HDAC7: variants seen among roughly 807,000 people sequenced by gnomAD.
The protein encoded by HDAC7 is histone deacetylase 7A.
In HDAC7, 26 loss-of-function variants were observed where a neutral mutation model predicts 115.5. The observed-to-expected ratio is 0.23, with a 90% CI of 0.16 to 0.31. The LOEUF (loss-of-function observed/expected upper bound fraction) is 0.31. HDAC7 is among the 10% of genes least tolerant of loss of function. HDAC7 has a pLI of 1.00. For synonymous variants in HDAC7, 564 were observed against 550.9 expected, an observed-to-expected ratio of 1.02 and a Z score of -0.33; for missense variants, 1,068 against 1,329.0, an observed-to-expected ratio of 0.80 and a Z score of 3.05.
In HDAC7 at chr12:47,785,824, C is replaced by G. The variant is rs749821986; in HGVS notation, c.2634G>C (p.Leu878Phe). 1 of 1,612,284 alleles carries G rather than the reference C, an allele frequency of 6.2e-7. No homozygotes were observed. Among genetic ancestry groups the G allele is most frequent in the Non-Finnish European group, 8.5e-7 (1 of 1,179,362 alleles). The change falls in exon 23 of 26, where the codon TTG (leucine) becomes TTC (phenylalanine). Residue 878 changes from leucine (L) to phenylalanine (F), a missense_variant. By Grantham distance (22) the Leu-to-Phe change is conservative. Coordinates refer to ENST00000080059, the MANE Select transcript of HDAC7 (RefSeq NM_015401.5). Reference protein sequence around the residue: ...NLAGGAVVLALEGGHDLTAIC... With the variant: ...NLAGGAVVLAFEGGHDLTAIC... ...TGGCTGTGAGGTCATGGCCACCCTCCAAGGCCAGCACCACTGCGCCTCCTG... is the reference window on the plus strand; with the variant it reads ...TGGCTGTGAGGTCATGGCCACCCTCGAAGGCCAGCACCACTGCGCCTCCTG...
rs1943823952 is a variant in HDAC7, at chr12:47,796,133, G to C, written c.795+74C>G. The C allele has an allele frequency of 2.0e-6, 3 of 1,531,324 alleles. No homozygotes were observed. The Admixed American group carries it at 6.0e-5, about 30-fold the overall frequency. 94.9% of individuals were successfully genotyped at this position (1,531,324 alleles called of 1,614,324 possible). A position where few individuals can be genotyped will look rare whatever the true frequency, so the allele number is the denominator to read the frequency against. On this transcript the variant is annotated intron_variant, in intron 8 of 25. Transcript: ENST00000080059. ...GCCCAGACCCTGCAGCCCCAGCCCA[G>C]GTAGGGCCGCCTGCTGGAAGAAGGC...
chr12:47,798,553 C>T lies in HDAC7; in HGVS notation c.349+9G>A. On this transcript the variant is annotated intron_variant, in intron 4 of 25. Transcript: ENST00000080059. This position sits in a 1 kb window ranked among gnomAD's most constrained non-coding sequence, Gnocchi z 4.3. ...GGGCTGGGCTGGGCTGGGGTGGCCA[C>T]CTCCTTACTTCGCTTGCTCTTGTCC... 6.2e-7 allele frequency: 1 copy of T among 1,613,016 alleles called. No homozygotes were observed. Among genetic ancestry groups the T allele is most frequent in the Non-Finnish European group, 8.5e-7 (1 of 1,179,582 alleles).
At chr12:47,788,264 C>T in intron 19 of HDAC7, 100 bp from the exon 20 acceptor site, 2 of 1,420,860 alleles carry the variant, frequency 1.4e-6, no homozygotes, top group African/African-American at 2.9e-5. Context: ...AGGTCAGGAC[C>T]CTAGACTGGG....
Position 47,793,391 on chromosome 12 carries a change from G to C in HDAC7, c.1656C>G (p.Ala552=), listed in dbSNP as rs1411926912. 5.8e-6 allele frequency: 9 copies of C among 1,552,430 alleles called. No individual in the cohort carries two copies. In the South Asian group the frequency reaches 9.5e-5, roughly 16 times the overall value. The change falls in exon 13 of 26, where the codon GCC becomes GCG. Residue 552 remains alanine (A), a synonymous_variant. Coordinates refer to ENST00000080059, the MANE Select transcript of HDAC7 (RefSeq NM_015401.5). The surrounding 1 kb of genome is among the most constrained non-coding windows in gnomAD (Gnocchi z 4.5). The stretch of plus-strand genomic sequence containing the variant: ...CACCTGTGGTGAAGGGCAGGGTCCT[G>C]GCAGGGGTCTCTGAGCTGGAGAGGA... ...ARVLSSSETP[A]RTLPFTTGLI... is the part of the protein sequence containing the mutation.
intron 19 of HDAC7, chr12:47,788,865 TTAAATCCATCATGTG>T (rs1460875955): frequency 3.4e-5 from 6 of 178,204 alleles, no homozygotes; most frequent in African/African-American, 1.4e-4. Context: ...ATAGTCAGGA[TTAAATCCATCATGTG>T]TAAAACCATC....
At chr12:47,800,233 C>T (rs1944097659) in intron 2 of HDAC7, among the ~76,000 whole-genome samples, 1 of 152,154 alleles carries the variant, frequency 6.6e-6, no homozygotes, top group Non-Finnish European at 1.5e-5. Context: ...GGTGAAGGGC[C>T]CTGTCCAAAG....
At chr12:47,791,414 A>G in intron 15 of HDAC7, 106 bp from the exon 16 acceptor site, 1 of 1,385,464 alleles carries the variant, frequency 7.2e-7, no homozygotes, top group African/African-American at 1.4e-5. Context: ...TGGGGGAGAG[A>G]AATATGGAAG....
intron 22 of HDAC7, 145 bp from the exon 23 acceptor site, chr12:47,786,030 G>T: frequency 1.1e-6 from 1 of 874,908 alleles, no homozygotes; most frequent in Non-Finnish European, 1.7e-6. Context: ...CTTTCACATT[G>T]AATGTCGTAC....
chr12:47,785,557 C>T, intron 23 of HDAC7, 86 bp from the exon 24 acceptor site: 1 of 1,423,166 alleles, frequency 7.0e-7, no homozygotes, highest in Non-Finnish European at 9.7e-7. Context: ...AGCCTTCTAG[C>T]CACAAGCACA....
intron 12 of HDAC7, 56 bp downstream of exon 12, chr12:47,794,704 C>G: frequency 6.8e-7 from 1 of 1,472,854 alleles, no homozygotes; most frequent in East Asian, 2.4e-5. Context: ...CATCTTATGC[C>G]AGGCCCCAGA....
chr12:47,794,965 T>C (rs373942749), intron 11 of HDAC7, 32 bp from the exon 12 acceptor site: 81 of 1,584,820 alleles, frequency 5.1e-5, no homozygotes, highest in South Asian at 2.7e-4. Flanking sequence ...TGAGAAGCCA[T>C]GGTGGAGCGA....
At chr12:47,791,171 G>C (rs1943477032) in intron 16 of HDAC7, 88 bp downstream of exon 16, 2 of 1,266,278 alleles carry the variant, frequency 1.6e-6, no homozygotes, top group African/African-American at 1.5e-5. Context: ...ACAAGCAGAG[G>C]TTCTGCAGGG....
chr12:47,797,328 TCCGAGGC>T lies in HDAC7; in HGVS notation c.577+49_577+55del, dbSNP rs1420043546. On this transcript the variant is annotated intron_variant, in intron 6 of 25. Transcript: ENST00000080059. The surrounding 1 kb of genome is among the most constrained non-coding windows in gnomAD (Gnocchi z 5.5). ...CACCCCTGCACACTCCTCCCCCATGTCCGAGGCCCTTCCCCCTTCCTTTGCCTGAAAG... is the reference window on the plus strand; with the variant it reads ...CACCCCTGCACACTCCTCCCCCATGTCCTTCCCCCTTCCTTTGCCTGAAAG... 12 of 1,418,072 alleles carry T rather than the reference TCCGAGGC, an allele frequency of 8.5e-6. No individual in the cohort carries two copies. In the East Asian group the frequency reaches 2.3e-4, roughly 27 times the overall value. 87.8% of individuals were successfully genotyped at this position (1,418,072 alleles called of 1,614,324 possible).
chr12:47,791,957 C>A lies in HDAC7; in HGVS notation c.1726G>T (p.Asp576Tyr), dbSNP rs1233924649. The A allele has an allele frequency of 2.5e-6, 4 of 1,611,536 alleles. No homozygotes were observed. The South Asian group carries it at 4.4e-5, about 18-fold the overall frequency. ...VMLKHQCSCG[D>Y]NSRHPEHAGR... The stretch of plus-strand genomic sequence containing the variant: ...GCGTGCTCCGGGTGCCTGCTGTTGT[C>A]ACCGCAGGAGCACTGGTGCTTCAGC... The change falls in exon 14 of 26, where the codon GAC becomes TAC. Residue 576 changes from aspartate (D) to tyrosine (Y), a missense_variant. Around this residue, in one of 6 missense-constraint regions of HDAC7, gnomAD observed 618 missense variants for 701.5 expected, o/e 0.88. Transcript: ENST00000080059.
Position 47,789,864 on chromosome 12 carries a change from G to C in HDAC7, c.2040C>G (p.Ala680=). 6.2e-7 allele frequency: 1 copy of C among 1,613,860 alleles called. No individual in the cohort carries two copies. The highest frequency in any genetic ancestry group is 8.5e-7 in the Non-Finnish European group (1 of 1,180,012). Residue 680 remains alanine, a synonymous_variant, in exon 17 of 26, where the codon GCC becomes GCG. Coordinates refer to ENST00000080059, the MANE Select transcript of HDAC7 (RefSeq NM_015401.5). ...AGGCGAGGTCAGTGACACTGCCAGC[G>C]GCCCAGCGGGCTGCATTGGAGGAAT... The part of the protein sequence containing the change: ...ELHSSNAARW[A]AGSVTDLAFK...
chr12:47,806,730 A>G (rs1944421590), intron 1 of HDAC7, among the ~76,000 whole-genome samples: 1 of 152,104 alleles, frequency 6.6e-6, no homozygotes, highest in Non-Finnish European at 1.5e-5. Flanking sequence ...ACCTACTTCA[A>G]AGAGGTCACC....
At chr12:47,791,176 G>T in intron 16 of HDAC7, 83 bp downstream of exon 16, 1 of 1,304,046 alleles carries the variant, frequency 7.7e-7, no homozygotes, top group Non-Finnish European at 1.1e-6. Context: ...CAGAGGTTCT[G>T]CAGGGGCTGG....
At position 47,784,124 on chromosome 12, in the gene HDAC7, A is replaced by T. The variant is rs1592620616; in HGVS notation, c.2885T>A (p.Val962Glu). The change falls in exon 25 of 26, where the codon GTG becomes GAG. Residue 962 changes from valine to glutamate, a missense_variant. Val to Glu is a moderately radical substitution (Grantham distance 121). Around this residue, in one of 6 missense-constraint regions of HDAC7, gnomAD observed 98 missense variants for 123.9 expected, o/e 0.79. Coordinates refer to ENST00000080059, the MANE Select transcript of HDAC7 (RefSeq NM_015401.5). ...CACAGAGAGGGACGCCAGTGCGGTCACTGCCTCCACTTCTTCTTTGTCAGC... is the reference window on the plus strand; with the variant it reads ...CACAGAGAGGGACGCCAGTGCGGTCTCTGCCTCCACTTCTTCTTTGTCAGC... The part of the protein sequence containing the change: ...PGADKEEVEA[V>E]TALASLSVGI... The T allele has an allele frequency of 1.2e-6, 2 of 1,613,664 alleles. No individual in the cohort carries two copies. Among genetic ancestry groups the T allele is most frequent in the Non-Finnish European group, 1.7e-6 (2 of 1,179,920 alleles).
At position 47,793,549 on chromosome 12, in the gene HDAC7, G is replaced by A. The variant is rs935572587; in HGVS notation, c.1498C>T (p.Pro500Ser). ...ACAGTGTCCCCGGTGCTGCCCCGGGGGAGCCGCCCAGCCAGTCGCTGCTGT... is the reference window on the plus strand; with the variant it reads ...ACAGTGTCCCCGGTGCTGCCCCGGGAGAGCCGCCCAGCCAGTCGCTGCTGT... Reference protein sequence around the residue: ...WEQQRLAGRLPRGSTGDTVLL... With the variant: ...WEQQRLAGRLSRGSTGDTVLL... Residue 500 changes from proline to serine, a missense_variant, in exon 13 of 26, where the codon CCC becomes TCC. Physicochemically the swap from Pro to Ser is moderately conservative, Grantham distance 74. Transcript: ENST00000080059. The surrounding 1 kb of genome is among the most constrained non-coding windows in gnomAD (Gnocchi z 4.5). 6.5e-7 allele frequency: 1 copy of A among 1,546,692 alleles called. No individual in the cohort carries two copies.
Sources: gnomAD v4.1 joint callset for allele counts (sites outside exome capture counted in the v4.1 genomes callset) on GRCh38, gnomAD v4.1.1 for gene constraint, gnomAD v4.1.1 regional missense constraint, Gnocchi (gnomAD v3.1) non-coding constraint, MANE v1.5 for transcripts, NCBI Gene and HGNC (gene_info 2026-07-23, HGNC 2026-07-21) for gene names.